Variants in MAGI2 observed in about 807,000 individuals in gnomAD.
The protein encoded by MAGI2 is membrane associated guanylate kinase, WW and PDZ domain containing 2.
Under a neutral mutation model 133.3 loss-of-function variants are expected in MAGI2, and 35 were observed. That is an observed-to-expected ratio of 0.26 (90% CI 0.20 to 0.35). The LOEUF is 0.35. MAGI2 is among the 10% of genes least tolerant of loss of function. The probability of loss-of-function intolerance (pLI) is 1.00; values close to 1 mark genes in which losing one functional copy is unlikely to be tolerated. For missense variants in MAGI2, 1,636 were observed against 1,863.4 expected, an observed-to-expected ratio of 0.88 and a Z score of 2.25; for synonymous variants, 729 against 710.6, an observed-to-expected ratio of 1.03 and a Z score of -0.41.
At chr7:78,624,041 T>C (rs1304114196) in intron 3 of MAGI2, among the ~76,000 whole-genome samples, 1 of 152,180 alleles carries the variant, frequency 6.6e-6, no homozygotes, top group Admixed American at 6.6e-5. Context: ...TGTGAGATGG[T>C]ATCTCATTGT....
intron 3 of MAGI2, among the ~76,000 whole-genome samples, chr7:78,531,767 T>C (rs897421706): frequency 2.0e-5 from 3 of 152,182 alleles, no homozygotes; most frequent in African/African-American, 7.2e-5. Context: ...CTTCTCCCAA[T>C]GGTGCTTTCA....
At chr7:78,475,213 A>G (rs1189786275) in intron 6 of MAGI2, among the ~76,000 whole-genome samples, 1 of 152,014 alleles carries the variant, frequency 6.6e-6, no homozygotes, top group East Asian at 1.9e-4. Flanking sequence ...GAATAAAGGA[A>G]ACAATAGCAA....
chr7:79,172,616 T>C (rs1380123138), intron 1 of MAGI2, among the ~76,000 whole-genome samples: 1 of 152,074 alleles, frequency 6.6e-6, no homozygotes, highest in Non-Finnish European at 1.5e-5. Flanking sequence ...ATACTTATTT[T>C]GGATTTCAAA....
chr7:79,369,602 T>C (rs1563159879), intron 1 of MAGI2, among the ~76,000 whole-genome samples: 1 of 152,192 alleles, frequency 6.6e-6, no homozygotes, highest in Non-Finnish European at 1.5e-5. Flanking sequence ...CCAAATCTAT[T>C]TTCCCAGGCT....
At chr7:78,376,142 C>A (rs1318030710) in intron 6 of MAGI2, among the ~76,000 whole-genome samples, 3 of 151,988 alleles carry the variant, frequency 2.0e-5, no homozygotes, top group Non-Finnish European at 2.9e-5. Context: ...CTTTTCAGAC[C>A]TTTTTCCATG....
intron 2 of MAGI2, among the ~76,000 whole-genome samples, chr7:78,649,226 A>AAAAAAAAAAAAAAAAAAAAAAG (rs1811246101): frequency 1.3e-5 from 1 of 77,766 alleles, no homozygotes; most frequent in South Asian, 4.8e-4. Flanking sequence ...TTGTGGTAAA[A>AAAAAAAAAAAAAAAAAAAAAAG]AAAAAAAAAG....
chr7:78,594,393 A>G (rs1804368250), intron 3 of MAGI2, among the ~76,000 whole-genome samples: 1 of 152,214 alleles, frequency 6.6e-6, no homozygotes, highest in Non-Finnish European at 1.5e-5. Context: ...ACAAAAGCCC[A>G]CCAAGAGTTT....
At chr7:78,404,870 G>C (rs1251898794) in intron 6 of MAGI2, among the ~76,000 whole-genome samples, 2 of 152,154 alleles carry the variant, frequency 1.3e-5, no homozygotes, top group Non-Finnish European at 2.9e-5. Flanking sequence ...ACTACCATCA[G>C]AGTGAACAGG....
intron 3 of MAGI2, among the ~76,000 whole-genome samples, chr7:78,610,722 G>A (rs536526016): frequency 6.6e-6 from 1 of 152,320 alleles, no homozygotes; most frequent in Non-Finnish European, 1.5e-5. Context: ...TTGGGGGATA[G>A]AATTTCATAT....
chr7:78,297,999 T>A (rs1212270303), intron 9 of MAGI2, among the ~76,000 whole-genome samples: 4 of 126,372 alleles, frequency 3.2e-5, no homozygotes, highest in African/African-American at 6.7e-5. Context: ...AAAAAAAGAA[T>A]TGTCTGGGAA....
chr7:79,074,380 T>C (rs1262853945), intron 1 of MAGI2, among the ~76,000 whole-genome samples: 2 of 152,198 alleles, frequency 1.3e-5, no homozygotes, highest in Admixed American at 6.5e-5. Flanking sequence ...AGGCATCAGA[T>C]AAAGGTAAAG....
intron 1 of MAGI2, among the ~76,000 whole-genome samples, chr7:79,070,529 T>C (rs944497214): frequency 6.6e-6 from 1 of 151,974 alleles, no homozygotes; most frequent in African/African-American, 2.4e-5. Context: ...TCTTGCTCTG[T>C]CACCCAGGCT....
intron 2 of MAGI2, among the ~76,000 whole-genome samples, chr7:78,764,352 G>T (rs1180307282): frequency 3.3e-5 from 5 of 152,084 alleles, no homozygotes; most frequent in Non-Finnish European, 5.9e-5. Context: ...GATATAATGG[G>T]AAGTGAATTC....
chr7:79,306,165 A>T (rs4129689), intron 1 of MAGI2, among the ~76,000 whole-genome samples: 89,882 of 145,968 alleles, frequency 0.62, 28,967 homozygotes, highest in Non-Finnish European at 0.7. Context: ...TGCTACCACA[A>T]CTGGTTTTAA....
intron 9 of MAGI2, among the ~76,000 whole-genome samples, chr7:78,308,726 C>G (rs1798447756): frequency 6.6e-6 from 1 of 152,062 alleles, no homozygotes; most frequent in Non-Finnish European, 1.5e-5. Flanking sequence ...TACTTGAAGT[C>G]CCTTTGTAAG....
At chr7:79,377,716 C>T (rs1481856077) in intron 1 of MAGI2, among the ~76,000 whole-genome samples, 1 of 151,802 alleles carries the variant, frequency 6.6e-6, no homozygotes, top group African/African-American at 2.4e-5. Context: ...AGAGAGGCAT[C>T]ACTGGAGGGA....
At chr7:78,406,013 C>G (rs1295238921) in intron 6 of MAGI2, among the ~76,000 whole-genome samples, 2 of 151,786 alleles carry the variant, frequency 1.3e-5, no homozygotes. Context: ...ATCAGAGGAC[C>G]ACAGAAAAAG....
At chr7:78,163,926 A>T (rs1188616236) in intron 15 of MAGI2, among the ~76,000 whole-genome samples, 1 of 143,528 alleles carries the variant, frequency 7.0e-6, no homozygotes, top group African/African-American at 2.6e-5. Context: ...AAAAAAAATT[A>T]ATTGCCAATG....
intron 10 of MAGI2, among the ~76,000 whole-genome samples, chr7:78,237,295 G>C (rs1263853772): frequency 6.6e-6 from 1 of 152,074 alleles, no homozygotes; most frequent in Admixed American, 6.6e-5. Flanking sequence ...ACTTTTTGTT[G>C]CTTTATGTTA....
Sources: gnomAD v4.1 joint callset for allele counts (sites outside exome capture counted in the v4.1 genomes callset) on GRCh38, gnomAD v4.1.1 for gene constraint, MANE v1.5 for transcripts, NCBI Gene and HGNC (gene_info 2026-07-23, HGNC 2026-07-21) for gene names.